The following TBC1D22A variants were observed in gnomAD, a reference collection of about 807,000 sequenced individuals.
TBC1D22A encodes the protein TBC1 domain family member 22A, also known as putative GTPase activator.
Under a neutral mutation model 60.2 loss-of-function variants are expected in TBC1D22A, and 38 were observed. The ratio of observed to expected loss-of-function variants is 0.63; its 90% confidence interval spans 0.49 to 0.83. The LOEUF (loss-of-function observed/expected upper bound fraction) is 0.83. Among genes scored for constraint, TBC1D22A ranks in the 40% least tolerant of loss-of-function variants. The pLI is 0.00. For synonymous variants in TBC1D22A, 302 were observed against 281.7 expected (o/e 1.07, Z -0.72); for missense variants, 628 against 701.0 (o/e 0.90, Z 1.18).
At chr22:47,001,638 G>C (rs2061415079) in intron 10 of TBC1D22A, among the ~76,000 whole-genome samples, 2 of 152,040 alleles carry the variant, frequency 1.3e-5, no homozygotes, top group African/African-American at 4.8e-5. Flanking sequence ...GTGCTGCCGA[G>C]CTCCACAGGC....
At chr22:46,878,748 A>G in intron 5 of TBC1D22A, 25 bp downstream of exon 5, 2 of 1,610,002 alleles carry the variant, frequency 1.2e-6, no homozygotes, top group Non-Finnish European at 1.7e-6. Context: ...ACCGCCCATC[A>G]GCGCCTCCTT....
chr22:47,157,078 A>C (rs1348928941), intron 12 of TBC1D22A, among the ~76,000 whole-genome samples: 1 of 152,222 alleles, frequency 6.6e-6, no homozygotes, highest in Admixed American at 6.5e-5. Flanking sequence ...CAGGTGATGC[A>C]GGATGCAGAG....
chr22:47,033,482 A>G (rs1270036183), intron 10 of TBC1D22A, among the ~76,000 whole-genome samples: 1 of 152,138 alleles, frequency 6.6e-6, no homozygotes, highest in Non-Finnish European at 1.5e-5. Flanking sequence ...ACACTCATGG[A>G]TGCTCAGTTG....
intron 11 of TBC1D22A, among the ~76,000 whole-genome samples, chr22:47,069,911 G>GGAGCTGACTTGACGGTTCCAGA (rs2063912132): frequency 7.7e-4 from 55 of 71,126 alleles, no homozygotes; most frequent in African/African-American, 1.5e-3. Flanking sequence ...CGGTTCCAGC[G>GGAGCTGACTTGACGGTTCCAGA]CTGTCCCCTG....
chr22:46,926,889 A>G (rs1390420215), intron 8 of TBC1D22A, among the ~76,000 whole-genome samples: 1 of 152,202 alleles, frequency 6.6e-6, no homozygotes, highest in African/African-American at 2.4e-5. Flanking sequence ...TTAACAATGA[A>G]CTAATTTTCA....
chr22:46,823,696 A>G (rs971938137), intron 4 of TBC1D22A, among the ~76,000 whole-genome samples: 4 of 152,218 alleles, frequency 2.6e-5, no homozygotes, highest in African/African-American at 4.8e-5. Context: ...TAGCGATGCT[A>G]TTGAGTTTTC....
chr22:46,782,907 A>G (rs557335817), intron 1 of TBC1D22A, among the ~76,000 whole-genome samples: 29 of 152,196 alleles, frequency 1.9e-4, no homozygotes, highest in African/African-American at 6.5e-4. Flanking sequence ...TTTGGCTGTT[A>G]TGGTTAATGC....
chr22:46,944,554 A>G (rs977647472), intron 8 of TBC1D22A, among the ~76,000 whole-genome samples: 1 of 152,082 alleles, frequency 6.6e-6, no homozygotes, highest in African/African-American at 2.4e-5. Flanking sequence ...GCCCGCCACC[A>G]TGCCCGGCTA....
intron 12 of TBC1D22A, among the ~76,000 whole-genome samples, chr22:47,169,851 T>C (rs1353040249): frequency 2.6e-5 from 4 of 152,248 alleles, no homozygotes; most frequent in African/African-American, 7.2e-5. Flanking sequence ...AAAATGCAAG[T>C]GCCGTCTATA....
intron 11 of TBC1D22A, among the ~76,000 whole-genome samples, chr22:47,054,669 G>GAAAGATGC (rs2063330769): frequency 6.6e-6 from 1 of 152,216 alleles, no homozygotes; most frequent in South Asian, 2.1e-4. Context: ...ATTAAGAGAA[G>GAAAGATGC]AAAGATGCTT....
intron 2 of TBC1D22A, among the ~76,000 whole-genome samples, chr22:46,793,180 C>G (rs970231905): frequency 6.6e-6 from 1 of 152,236 alleles, no homozygotes; most frequent in African/African-American, 2.4e-5. Flanking sequence ...TGGGCAGGAG[C>G]CTTACTGGGA....
rs1243737895 is a variant in TBC1D22A, at chr22:47,009,085, T to C, written c.1201+11376T>C. On this transcript the variant is annotated intron_variant, in intron 10 of 12. Transcript: ENST00000337137. This position sits in a 1 kb window ranked among gnomAD's most constrained non-coding sequence, Gnocchi z 5.8. ...AGCTGGCAGAATTGGGTTGACTTTC[T>C]GGCTGTGTTGTATACTGGAGGATTG... is the stretch of plus-strand genomic sequence containing the variant. Among the ~76,000 whole-genome samples the C allele has an allele frequency of 6.6e-6, 1 of 152,230 alleles. No individual in the cohort carries two copies.
intron 10 of TBC1D22A, among the ~76,000 whole-genome samples, chr22:47,020,276 G>A (rs1025984164): frequency 6.6e-6 from 1 of 152,114 alleles, no homozygotes; most frequent in African/African-American, 2.4e-5. Flanking sequence ...AGCCGGTGGT[G>A]GGAGGCTCTG....
At chr22:47,040,470 G>A (rs1416574134) in intron 11 of TBC1D22A, among the ~76,000 whole-genome samples, 3 of 151,948 alleles carry the variant, frequency 2.0e-5, no homozygotes, top group Non-Finnish European at 2.9e-5. Flanking sequence ...GCATGGGGGT[G>A]AATTCAGCCA....
Position 46,797,637 on chromosome 22 carries a change from C to T in TBC1D22A, c.637+17C>T. 1 of 1,582,490 alleles carries T rather than the reference C, an allele frequency of 6.3e-7. No individual in the cohort carries two copies. The highest frequency in any genetic ancestry group is 1.8e-5 in the Admixed American group (1 of 54,114). ...CGGACCTTGGTAAGCACCCTGCCCT[C>T]TGGAGGACACACACAGACATTTCTT... On this transcript the variant is annotated intron_variant, in intron 4 of 12. Transcript: ENST00000337137.
chr22:46,792,258 C>T (rs942187765), intron 1 of TBC1D22A, among the ~76,000 whole-genome samples: 3 of 151,198 alleles, frequency 2.0e-5, no homozygotes, highest in Non-Finnish European at 3.0e-5. Flanking sequence ...TGGTGCTTGT[C>T]GGGCTGAGGT....
At chr22:47,025,731 C>T (rs188697993) in intron 10 of TBC1D22A, among the ~76,000 whole-genome samples, 180 of 151,644 alleles carry the variant, frequency 1.2e-3, no homozygotes, top group Non-Finnish European at 1.5e-3. Flanking sequence ...TGAGTGTGTG[C>T]GAAGAGGCTG....
At chr22:46,823,825 G>A (rs550971077) in intron 4 of TBC1D22A, among the ~76,000 whole-genome samples, 4 of 152,284 alleles carry the variant, frequency 2.6e-5, no homozygotes, top group South Asian at 4.1e-4. Flanking sequence ...CACAGGAGCC[G>A]GGAGTGCGGC....
At chr22:47,157,711 C>T (rs6007613) in intron 12 of TBC1D22A, among the ~76,000 whole-genome samples, 29,461 of 152,160 alleles carry the variant, frequency 0.19, 3,622 homozygotes, top group African/African-American at 0.35. Context: ...GCTGGTGAGG[C>T]GGTGTGGCTC....
Sources: gnomAD v4.1 joint callset for allele counts (sites outside exome capture counted in the v4.1 genomes callset) on GRCh38, gnomAD v4.1.1 for gene constraint, Gnocchi (gnomAD v3.1) non-coding constraint, MANE v1.5 for transcripts, NCBI Gene and HGNC (gene_info 2026-07-23, HGNC 2026-07-21) for gene names.